SKI: variants seen among roughly 807,000 people sequenced by gnomAD.
SKI encodes the protein SKI proto-oncogene, also known as ski oncogene.
In SKI, 23 loss-of-function variants were observed where a neutral mutation model predicts 59.3. The ratio of observed to expected loss-of-function variants is 0.39; its 90% CI spans 0.28 to 0.55. The LOEUF (loss-of-function observed/expected upper bound fraction) is 0.55. Ranked by LOEUF, SKI falls within the 20% of genes least tolerant of loss-of-function variation. The pLI is 0.67. For missense variants in SKI, 1,017 were observed against 1,038.9 expected (o/e 0.98, Z 0.29); for synonymous variants, 673 against 488.6 (o/e 1.38, Z -4.98).
chr1:2,304,956 T>C (rs1640529819), intron 5 of SKI, among the ~76,000 whole-genome samples: 1 of 152,244 alleles, frequency 6.6e-6, no homozygotes, highest in African/African-American at 2.4e-5. Context: ...TGGGAGCAGC[T>C]GCATGGAGAC....
intron 1 of SKI, among the ~76,000 whole-genome samples, chr1:2,278,957 A>G (rs1346786870): frequency 6.6e-6 from 1 of 152,052 alleles, no homozygotes; most frequent in Admixed American, 6.5e-5. Flanking sequence ...CGCCTCCTGG[A>G]CCCTGGCGTT....
chr1:2,241,941 A>G (rs1638885338), intron 1 of SKI, among the ~76,000 whole-genome samples: 1 of 145,486 alleles, frequency 6.9e-6, no homozygotes, highest in Non-Finnish European at 1.5e-5. Flanking sequence ...TCTTCCGTGC[A>G]TGCCTGTCTG....
Position 2,303,488 on chromosome 1 carries a change from C to T in SKI, c.1211+88C>T. On this transcript the variant is annotated intron_variant, in intron 3 of 6. Transcript: ENST00000378536. The surrounding 1 kb of genome is among the most constrained non-coding windows in gnomAD (Gnocchi z 5.6). ...GCGGACGCGCCCATGTTTCTGCAGGCTGGGTGCCCAGACCTGCCGCCTTTT... is the reference window on the plus strand; with the variant it reads ...GCGGACGCGCCCATGTTTCTGCAGGTTGGGTGCCCAGACCTGCCGCCTTTT... 1 of 1,244,078 alleles carries T rather than the reference C, an allele frequency of 8.0e-7. No individual in the cohort carries two copies. Among genetic ancestry groups the T allele is most frequent in the South Asian group, 1.3e-5 (1 of 79,972 alleles). The allele number at this position is 1,244,078 out of a possible 1,614,324, so 77.1% of individuals were successfully genotyped here.
chr1:2,306,520 CG>C, intron 6 of SKI, 56 bp from the exon 7 acceptor site: 2 of 1,498,194 alleles, frequency 1.3e-6, no homozygotes. Context: ...GGGGAAGCAG[CG>C]TCGGGCCGGG....
At chr1:2,277,849 G>A (rs368937876) in intron 1 of SKI, among the ~76,000 whole-genome samples, 89 of 123,102 alleles carry the variant, frequency 7.2e-4, no homozygotes, top group Admixed American at 2.8e-3. Flanking sequence ...CAGGACCGAC[G>A]GACATACGTG....
chr1:2,306,550 G>C (rs1437804005), intron 6 of SKI, 27 bp from the exon 7 acceptor site: 6 of 1,534,480 alleles, frequency 3.9e-6, no homozygotes, highest in Non-Finnish European at 5.3e-6. Context: ...GCGAGCAGGC[G>C]CCGCTGACCA....
intron 1 of SKI, among the ~76,000 whole-genome samples, chr1:2,257,609 G>A (rs1488614977): frequency 6.6e-6 from 1 of 152,214 alleles, no homozygotes; most frequent in Non-Finnish European, 1.5e-5. Flanking sequence ...AGGAGAATGG[G>A]GTTGAAGCGA....
At chr1:2,261,792 G>T (rs1281412537) in intron 1 of SKI, among the ~76,000 whole-genome samples, 4 of 152,266 alleles carry the variant, frequency 2.6e-5, no homozygotes, top group African/African-American at 9.6e-5. Context: ...AGTGGTGGGA[G>T]TGGACGCCCT....
chr1:2,302,282 G>A (rs536328206), intron 1 of SKI, among the ~76,000 whole-genome samples: 1 of 152,336 alleles, frequency 6.6e-6, no homozygotes, highest in East Asian at 1.9e-4. Flanking sequence ...CTCCAGCACC[G>A]GGGCTGGCAA....
intron 6 of SKI, 105 bp downstream of exon 6, chr1:2,306,355 A>C: frequency 8.4e-7 from 1 of 1,188,882 alleles, no homozygotes. Context: ...AGCAGAAGCC[A>C]GGCCCGGGAC....
intron 1 of SKI, among the ~76,000 whole-genome samples, chr1:2,289,523 A>C (rs1640116142): frequency 7.7e-6 from 1 of 130,630 alleles, no homozygotes; most frequent in South Asian, 3.0e-4. Flanking sequence ...AGGGCAGGGC[A>C]GGAGAACCAA....
At chr1:2,235,159 C>T (rs1016938652) in intron 1 of SKI, among the ~76,000 whole-genome samples, 3 of 104,568 alleles carry the variant, frequency 2.9e-5, no homozygotes. Context: ...TCTCCTGCCC[C>T]AGCCTCCTGG....
At chr1:2,279,315 C>G (rs931232479) in intron 1 of SKI, among the ~76,000 whole-genome samples, 1 of 152,056 alleles carries the variant, frequency 6.6e-6, no homozygotes, top group Non-Finnish European at 1.5e-5. Flanking sequence ...CAGCAGAGAC[C>G]ACCCTCTGAT....
chr1:2,289,587 G>A (rs187232787), intron 1 of SKI, among the ~76,000 whole-genome samples: 1,649 of 99,834 alleles, frequency 0.017, no homozygotes, highest in Middle Eastern at 0.03. Flanking sequence ...TGGGGGTGGG[G>A]GGGTGCAGGG....
rs565382132 is a variant in SKI, at chr1:2,298,483, C to A, written c.970-4495C>A. Among the ~76,000 whole-genome samples, 24 of 152,286 alleles carry A rather than the reference C, an allele frequency of 1.6e-4. No individual in the cohort carries two copies. In the South Asian group the frequency reaches 3.1e-3, roughly 20 times the overall value. On this transcript the variant is annotated intron_variant, in intron 1 of 6. Coordinates refer to ENST00000378536, the MANE Select transcript of SKI (RefSeq NM_003036.4). Reference sequence around the variant, plus strand: ...GGTCTGGGGTGTGGCCGTGGCCTGTCCCCGGGCCGGATGGCTTTCTCAGCA... The same window carrying A: ...GGTCTGGGGTGTGGCCGTGGCCTGTACCCGGGCCGGATGGCTTTCTCAGCA...
intron 1 of SKI, among the ~76,000 whole-genome samples, chr1:2,263,075 A>G (rs1464349348): frequency 4.6e-5 from 7 of 151,154 alleles, no homozygotes; most frequent in Admixed American, 2.6e-4. Context: ...AATTTTTTGT[A>G]TTTTCAGTAG....
intron 1 of SKI, among the ~76,000 whole-genome samples, chr1:2,260,283 G>A (rs967073329): frequency 2.0e-5 from 3 of 152,168 alleles, no homozygotes; most frequent in African/African-American, 7.2e-5. Flanking sequence ...GGCTTCTCTT[G>A]TGCGTATTTG....
Position 2,306,852 on chromosome 1 carries a change from T to G in SKI, c.*87T>G. The G allele has an allele frequency of 2.2e-6, 2 of 916,050 alleles. No individual in the cohort carries two copies. The highest frequency in any genetic ancestry group is 2.4e-5 in the South Asian group (1 of 41,296). 56.7% of individuals were successfully genotyped at this position (916,050 alleles called of 1,614,324 possible). A position where few individuals can be genotyped will look rare whatever the true frequency, so the allele number is the denominator to read the frequency against. The stretch of plus-strand genomic sequence containing the variant: ...GTGCAGCTCCGCCCGGCTCCGCCCC[T>G]GCAGCCCACACAGCACAACGTCTTA... On this transcript the variant is annotated 3_prime_UTR_variant, in exon 7 of 7. Transcript: ENST00000378536.
intron 1 of SKI, among the ~76,000 whole-genome samples, chr1:2,282,632 C>T (rs560171368): frequency 5.9e-5 from 9 of 152,274 alleles, no homozygotes; most frequent in Non-Finnish European, 1.2e-4. Flanking sequence ...GAAAGCCTTG[C>T]TTCCCCCAAG....
Sources: gnomAD v4.1 joint callset for allele counts (sites outside exome capture counted in the v4.1 genomes callset) on GRCh38, gnomAD v4.1.1 for gene constraint, Gnocchi (gnomAD v3.1) non-coding constraint, MANE v1.5 for transcripts, NCBI Gene and HGNC (gene_info 2026-07-23, HGNC 2026-07-21) for gene names.